Variants in ELSPBP1 observed in about 807,000 individuals in gnomAD.
ELSPBP1 encodes the protein epididymal sperm-binding protein 1.
ELSPBP1 carries 38 observed loss-of-function variants against 33.3 expected under a neutral mutation model. The ratio of observed to expected loss-of-function variants is 1.14; its 90% CI spans 0.88 to 1.50. The LOEUF (loss-of-function observed/expected upper bound fraction) is 1.50. Among genes scored for constraint, ELSPBP1 ranks in the 40% most tolerant of loss-of-function variants. The pLI, the probability that ELSPBP1 is intolerant of heterozygous loss-of-function variation, is 0.00. For synonymous variants in ELSPBP1, 85 were observed against 94.1 expected (o/e 0.90, Z 0.56); for missense variants, 267 against 263.5 (o/e 1.01, Z -0.09).
intron 1 of ELSPBP1, among the ~76,000 whole-genome samples, chr19:48,006,832 T>G (rs1435341928): frequency 6.6e-6 from 1 of 151,902 alleles, no homozygotes; most frequent in African/African-American, 2.4e-5. Flanking sequence ...AAAAGCCTGT[T>G]TGAGGCATGG....
At chr19:48,001,385 G>A (rs1161145330) in intron 1 of ELSPBP1, among the ~76,000 whole-genome samples, 2 of 148,822 alleles carry the variant, frequency 1.3e-5, no homozygotes, top group Non-Finnish European at 3.0e-5. Flanking sequence ...GTTTCACCAT[G>A]TTGGCCAGCA....
At chr19:48,007,953 T>C (rs528610443) in intron 1 of ELSPBP1, among the ~76,000 whole-genome samples, 2 of 152,290 alleles carry the variant, frequency 1.3e-5, no homozygotes, top group East Asian at 3.9e-4. Context: ...AAGTGTTTCA[T>C]TTTTTTCTTT....
At chr19:48,023,129 G>C (rs1232087156) in intron 6 of ELSPBP1, among the ~76,000 whole-genome samples, 9 of 145,574 alleles carry the variant, frequency 6.2e-5, no homozygotes, top group Non-Finnish European at 1.4e-4. Context: ...GAGGAAAAGA[G>C]AGAGGAAGGG....
At chr19:47,999,925 T>G (rs1203684997) in intron 1 of ELSPBP1, among the ~76,000 whole-genome samples, 2 of 151,822 alleles carry the variant, frequency 1.3e-5, no homozygotes, top group Non-Finnish European at 2.9e-5. Context: ...TGGGCTCAAG[T>G]GATCCTTCCC....
At chr19:48,019,046 C>T (rs1467472541) in intron 4 of ELSPBP1, among the ~76,000 whole-genome samples, 2 of 151,996 alleles carry the variant, frequency 1.3e-5, no homozygotes, top group South Asian at 2.1e-4. Context: ...CTCAGCTACT[C>T]GGGAGGCTGA....
intron 6 of ELSPBP1, among the ~76,000 whole-genome samples, chr19:48,023,085 GAAGA>G (rs997830249): frequency 6.8e-6 from 1 of 147,560 alleles, no homozygotes; most frequent in African/African-American, 2.5e-5. Context: ...AGGAAAGAAG[GAAGA>G]AAGATGAAGG....
At chr19:48,002,972 CT>C (rs1462039489) in intron 1 of ELSPBP1, among the ~76,000 whole-genome samples, 1 of 152,140 alleles carries the variant, frequency 6.6e-6, no homozygotes, top group Non-Finnish European at 1.5e-5. Context: ...CCATATTTTC[CT>C]GTGGTTTGAC....
intron 1 of ELSPBP1, among the ~76,000 whole-genome samples, chr19:48,006,815 A>C (rs1256274906): frequency 2.6e-5 from 4 of 152,032 alleles, no homozygotes; most frequent in Admixed American, 2.6e-4. Context: ...ATGAGACATC[A>C]CTCAGAAAAA....
chr19:47,996,355 T>C (rs866954694), intron 1 of ELSPBP1, among the ~76,000 whole-genome samples: 47 of 152,210 alleles, frequency 3.1e-4, no homozygotes, highest in African/African-American at 1.0e-3. Context: ...GGATGGTGGG[T>C]TTCTTAAATA....
intron 1 of ELSPBP1, among the ~76,000 whole-genome samples, chr19:47,998,272 T>G (rs1966930217): frequency 1.3e-5 from 2 of 151,172 alleles, no homozygotes; most frequent in African/African-American, 4.9e-5. Flanking sequence ...ATTAGCCGGG[T>G]GCAGTGGCAG....
chr19:48,023,532 G>GAAGT (rs796385106), intron 6 of ELSPBP1, among the ~76,000 whole-genome samples: 23 of 108,042 alleles, frequency 2.1e-4, no homozygotes, highest in Admixed American at 4.8e-4. Context: ...AGGAAGGGAG[G>GAAGT]AAGGAAAGAA....
Position 47,999,718 on chromosome 19 carries a change from C to G in ELSPBP1, c.-18+4907C>G, listed in dbSNP as rs114281729. Among the ~76,000 whole-genome samples the G allele has an allele frequency of 3.9e-3, 590 of 151,632 alleles. 1 individual carries two copies. Among genetic ancestry groups the G allele is most frequent in the African/African-American group, 0.014 (563 of 41,372 alleles). On this transcript the variant is annotated intron_variant, in intron 1 of 6. Coordinates refer to ENST00000339841, the MANE Select transcript of ELSPBP1 (RefSeq NM_022142.5). The stretch of plus-strand genomic sequence containing the variant: ...CCTCATTTGTATTTTGTCTTTCCCA[C>G]CCTAGTAAAATATTAGCCTCATGCA...
In ELSPBP1 at chr19:47,999,167, T is replaced by C. The variant is rs140238127; in HGVS notation, c.-18+4356T>C. Among the ~76,000 whole-genome samples the C allele has an allele frequency of 6.3e-3, 963 of 152,338 alleles. 10 individuals carry two copies. The highest frequency in any genetic ancestry group is 0.022 in the African/African-American group (922 of 41,576). ...CAAAGGAGACATCTGTCAGGCATGA[T>C]TGTTTACATTCCCCTGTTTATTATT... is the stretch of plus-strand genomic sequence containing the variant. On this transcript the variant is annotated intron_variant, in intron 1 of 6. Transcript: ENST00000339841.
Position 48,008,878 on chromosome 19 carries a change from G to A in ELSPBP1, c.70+141G>A, listed in dbSNP as rs928311201. The A allele has an allele frequency of 2.6e-5, 18 of 682,770 alleles. 1 individual carries two copies. The East Asian group carries it at 2.8e-4, about 11-fold the overall frequency. 42.3% of individuals were successfully genotyped at this position (682,770 alleles called of 1,614,324 possible). ...AAGCTGGGCGCGGTGGCTGACACCT[G>A]TAATCCCAGCACTTTGCAGGGCTGA... On this transcript the variant is annotated intron_variant, in intron 2 of 6. Coordinates refer to ENST00000339841, the MANE Select transcript of ELSPBP1 (RefSeq NM_022142.5).
intron 2 of ELSPBP1, 32 bp from the exon 3 acceptor site, chr19:48,014,139 C>T: frequency 1.9e-6 from 3 of 1,606,302 alleles, no homozygotes; most frequent in Non-Finnish European, 2.6e-6. Context: ...CGTGATTCTT[C>T]CCCACTCCTG....
chr19:47,998,283 G>T (rs890830785), intron 1 of ELSPBP1, among the ~76,000 whole-genome samples: 1 of 152,006 alleles, frequency 6.6e-6, no homozygotes, highest in African/African-American at 2.4e-5. Flanking sequence ...GCAGTGGCAG[G>T]CGCCTGTAAT....
chr19:48,009,661 TTGAG>T (rs1246078080), intron 2 of ELSPBP1, among the ~76,000 whole-genome samples: 1 of 152,142 alleles, frequency 6.6e-6, no homozygotes, highest in Admixed American at 6.6e-5. Flanking sequence ...CCTGGGGTCA[TTGAG>T]TGAGGATTAG....
At chr19:48,021,730 A>G (rs1267181317) in intron 5 of ELSPBP1, among the ~76,000 whole-genome samples, 1 of 152,084 alleles carries the variant, frequency 6.6e-6, no homozygotes, top group Non-Finnish European at 1.5e-5. Context: ...GATTACAGGC[A>G]TGAGCCACAA....
chr19:48,022,482 TC>T, intron 6 of ELSPBP1, 148 bp downstream of exon 6: 1 of 635,000 alleles, frequency 1.6e-6, no homozygotes, highest in Non-Finnish European at 2.5e-6. Flanking sequence ...CTGTTGCTTT[TC>T]CAGCATGTCT....
Sources: allele counts gnomAD v4.1 joint callset (sites outside exome capture counted in the v4.1 genomes callset), GRCh38; gene constraint gnomAD v4.1.1; transcripts MANE v1.5; gene names NCBI Gene and HGNC (gene_info 2026-07-23, HGNC 2026-07-21).